EBAG9: variants seen among roughly 807,000 people sequenced by gnomAD.
EBAG9 encodes estrogen receptor binding site associated antigen 9.
In EBAG9, 16 loss-of-function variants were observed where a neutral mutation model predicts 30.9. The observed-to-expected ratio is 0.52, with a 90% CI of 0.35 to 0.79. The LOEUF (loss-of-function observed/expected upper bound fraction) is 0.79. Ranked by LOEUF, EBAG9 falls within the 30% of genes least tolerant of loss-of-function variation. The pLI is 0.01. For synonymous variants in EBAG9, 93 were observed against 82.8 expected, an observed-to-expected ratio of 1.12 and a Z score of -0.67; for missense variants, 197 against 242.1, an observed-to-expected ratio of 0.81 and a Z score of 1.24.
rs1821811340 is a variant in EBAG9 at position 109,565,592 on chromosome 8, G to A, written c.*1033G>A. Reference sequence around the variant, plus strand: ...AATAGTCTTAAGGAAATAAATACTGGGTCTGTAGGGGAAAAGTAGACTTCA... The same window carrying A: ...AATAGTCTTAAGGAAATAAATACTGAGTCTGTAGGGGAAAAGTAGACTTCA... On this transcript the variant is annotated 3_prime_UTR_variant, in exon 7 of 7. Transcript: ENST00000337573. The A allele has an allele frequency of 2.0e-5, 3 of 151,918 alleles. No homozygotes were observed. In the South Asian group the frequency reaches 6.2e-4, roughly 31 times the overall value. 9.4% of individuals were successfully genotyped at this position (151,918 alleles called of 1,614,324 possible).
intron 3 of EBAG9, among the ~76,000 whole-genome samples, 186 bp from the exon 4 acceptor site, chr8:109,554,543 A>G (rs1386339741): frequency 6.6e-6 from 1 of 152,218 alleles, no homozygotes; most frequent in Non-Finnish European, 1.5e-5. Context: ...AGAATATATC[A>G]GAATGTCTTG....
intron 1 of EBAG9, among the ~76,000 whole-genome samples, chr8:109,546,277 A>G (rs1285514800): frequency 6.6e-6 from 1 of 151,544 alleles, no homozygotes; most frequent in Non-Finnish European, 1.5e-5. Flanking sequence ...GATTGTTTTA[A>G]CAGCTCTTTT....
intron 1 of EBAG9, among the ~76,000 whole-genome samples, chr8:109,547,414 A>C (rs1228193752): frequency 6.6e-6 from 1 of 151,788 alleles, no homozygotes; most frequent in African/African-American, 2.4e-5. Flanking sequence ...CTGTGGCTTT[A>C]ATTTGCATTT....
chr8:109,554,492 G>GT (rs200550007), intron 3 of EBAG9, among the ~76,000 whole-genome samples: 1,930 of 152,052 alleles, frequency 0.013, 45 homozygotes, highest in African/African-American at 0.044. Flanking sequence ...GTTTTACTTT[G>GT]TTTTTTGTTT....
chr8:109,540,842 T>C (rs1821258971), intron 1 of EBAG9: 1 of 152,242 alleles, frequency 6.6e-6, no homozygotes, highest in South Asian at 2.1e-4. Flanking sequence ...CAAATTTTGG[T>C]ATGAAAAGAT....
chr8:109,558,731 T>C (rs767372430), intron 5 of EBAG9, among the ~76,000 whole-genome samples: 2 of 152,226 alleles, frequency 1.3e-5, no homozygotes, highest in Non-Finnish European at 2.9e-5. Context: ...CTTTGTTTTC[T>C]ATACCAAAAA....
intron 1 of EBAG9, among the ~76,000 whole-genome samples, chr8:109,547,681 C>G (rs1019343357): frequency 6.6e-6 from 1 of 151,890 alleles, no homozygotes; most frequent in African/African-American, 2.4e-5. Context: ...AGGGTTTCAC[C>G]GTGTTGGCCA....
chr8:109,551,228 A>T (rs1297848345), intron 2 of EBAG9, among the ~76,000 whole-genome samples: 1 of 152,032 alleles, frequency 6.6e-6, no homozygotes, highest in Non-Finnish European at 1.5e-5. Flanking sequence ...CATTATGGGA[A>T]TGTTTTAAAG....
chr8:109,556,781 C>G (rs1382051160), intron 4 of EBAG9, among the ~76,000 whole-genome samples, 154 bp from the exon 5 acceptor site: 1 of 151,820 alleles, frequency 6.6e-6, no homozygotes, highest in Non-Finnish European at 1.5e-5. Flanking sequence ...CAACAATTCC[C>G]TGGGAAATTG....
chr8:109,549,571 GTTC>G (rs1025297849), intron 1 of EBAG9, among the ~76,000 whole-genome samples: 4 of 151,980 alleles, frequency 2.6e-5, no homozygotes, highest in East Asian at 3.8e-4. Context: ...TTTTCAGGTT[GTTC>G]TTCTTATGCT....
Position 109,554,899 on chromosome 8 carries a change from T to C in EBAG9, c.321+12T>C. The C allele has an allele frequency of 6.2e-7, 1 of 1,609,170 alleles. No homozygotes were observed. The stretch of plus-strand genomic sequence containing the variant: ...GGAAAACTCAGAAAGTATGTTAAGA[T>C]TTATGCTTTTGGAGATTAAACTACT... On this transcript the variant is annotated intron_variant, in intron 4 of 6. Transcript: ENST00000337573.
At chr8:109,559,534 G>A (rs148764619) in intron 5 of EBAG9, among the ~76,000 whole-genome samples, 1,626 of 152,218 alleles carry the variant, frequency 0.011, 30 homozygotes, top group African/African-American at 0.037. Context: ...AAAGCCAGCC[G>A]AGTGCAGTGG....
At chr8:109,555,555 T>C (rs1821582196) in intron 4 of EBAG9, among the ~76,000 whole-genome samples, 1 of 152,172 alleles carries the variant, frequency 6.6e-6, no homozygotes, top group Non-Finnish European at 1.5e-5. Context: ...GTCTCTGCCA[T>C]GGAGACTAAG....
At chr8:109,559,343 C>A (rs1821666369) in intron 5 of EBAG9, among the ~76,000 whole-genome samples, 2 of 152,018 alleles carry the variant, frequency 1.3e-5, no homozygotes, top group African/African-American at 4.8e-5. Context: ...GTAGTCCTCG[C>A]TACTTGGGAG....
At chr8:109,563,323 G>A in intron 6 of EBAG9, 1 of 1,532,150 alleles carries the variant, frequency 6.5e-7, no homozygotes, top group Non-Finnish European at 8.8e-7. Flanking sequence ...CCTATTCCAT[G>A]CCCAATTGTG....
Position 109,553,962 on chromosome 8 carries a change from T to G in EBAG9, c.162+19T>G. 6.4e-7 allele frequency: 1 copy of G among 1,564,138 alleles called. No homozygotes were observed. The highest frequency in any genetic ancestry group is 8.7e-7 in the Non-Finnish European group (1 of 1,154,104). ...TAAGCAGGTAGGTTTTTTTTGTGTGTTCTTTTGTTTTGTTTTGTTTTGAAA... is the reference window on the plus strand; with the variant it reads ...TAAGCAGGTAGGTTTTTTTTGTGTGGTCTTTTGTTTTGTTTTGTTTTGAAA... On this transcript the variant is annotated intron_variant, in intron 3 of 6. Coordinates refer to ENST00000337573, the MANE Select transcript of EBAG9 (RefSeq NM_004215.5).
chr8:109,556,134 A>C (rs1301820024), intron 4 of EBAG9, among the ~76,000 whole-genome samples: 1 of 152,066 alleles, frequency 6.6e-6, no homozygotes, highest in African/African-American at 2.4e-5. Context: ...CTTAAAGTTC[A>C]CTTTCTTATT....
chr8:109,550,996 G>C, intron 2 of EBAG9, 89 bp downstream of exon 2: 1 of 791,910 alleles, frequency 1.3e-6, no homozygotes, highest in Non-Finnish European at 2.1e-6. Flanking sequence ...GACAGGACAG[G>C]TTATATTTAA....
At position 109,564,534 on chromosome 8, in the gene EBAG9, AC is replaced by A; in HGVS notation, c.618del (p.Asn206LysfsTer5). The A allele has an allele frequency of 6.2e-7, 1 of 1,611,948 alleles. No individual in the cohort carries two copies. ...CAACGGCTAATGAAGAAGGAACAAA[AC>A]AAAATTGGTGTGAAACTTTCATAAC... Reference protein sequence around the residue: ...EAQRLMKKEQNKIGVKLS With the variant: ...EAQRLMKKEQXKIGVKLS On this transcript the variant is annotated frameshift_variant, in exon 7 of 7. Coordinates refer to ENST00000337573, the MANE Select transcript of EBAG9 (RefSeq NM_004215.5). LOFTEE classifies it high-confidence loss of function.
Sources: allele counts gnomAD v4.1 joint callset (sites outside exome capture counted in the v4.1 genomes callset), GRCh38; gene constraint gnomAD v4.1.1; transcripts MANE v1.5; gene names NCBI Gene and HGNC (gene_info 2026-07-23, HGNC 2026-07-21).